RALYL: variants seen among roughly 807,000 people sequenced by gnomAD.
The protein encoded by RALYL is RNA-binding Raly-like protein.
In RALYL, 29 loss-of-function variants were observed where a neutral mutation model predicts 35.1. The observed-to-expected ratio is 0.83, with a 90% CI of 0.61 to 1.13. The LOEUF is 1.13. RALYL is among the 50% of genes most tolerant of loss of function. The pLI, the probability that RALYL is intolerant of heterozygous loss-of-function variation, is 0.00. For synonymous variants in RALYL, 120 were observed against 127.6 expected, an observed-to-expected ratio of 0.94 and a Z score of 0.40; for missense variants, 359 against 360.4, an observed-to-expected ratio of 1.00 and a Z score of 0.03.
At chr8:84,356,392 G>T (rs901324052) in intron 1 of RALYL, among the ~76,000 whole-genome samples, 1 of 150,304 alleles carries the variant, frequency 6.7e-6, no homozygotes, top group African/African-American at 2.5e-5. Context: ...GATCAAGAGG[G>T]TAGTTCCAAG....
At chr8:84,283,316 CAT>C (rs1260352787) in intron 1 of RALYL, among the ~76,000 whole-genome samples, 4 of 152,130 alleles carry the variant, frequency 2.6e-5, no homozygotes, top group Non-Finnish European at 4.4e-5. Flanking sequence ...GGGCAAAAAT[CAT>C]ATGTTTGCAC....
chr8:84,648,177 G>A (rs999222135), intron 2 of RALYL, among the ~76,000 whole-genome samples: 56 of 152,002 alleles, frequency 3.7e-4, no homozygotes, highest in Non-Finnish European at 7.4e-5. Flanking sequence ...TTTGGTCTCT[G>A]ATTAAACATT....
chr8:84,662,379 A>G (rs1831108376), intron 2 of RALYL, among the ~76,000 whole-genome samples: 1 of 152,216 alleles, frequency 6.6e-6, no homozygotes, highest in Non-Finnish European at 1.5e-5. Context: ...CAACATATAA[A>G]GAAAAATATT....
rs1830881071 is a variant in RALYL, at chr8:84,661,393, A to G, written c.257-113186A>G. On this transcript the variant is annotated intron_variant, in intron 2 of 8. Transcript: ENST00000521268. ...TCCAATTTTGCTGTATAAATTTTCA[A>G]TAACAAATCTTTATTGTTGATTATA... Among the ~76,000 whole-genome samples, 3 of 152,224 alleles carry G rather than the reference A, an allele frequency of 2.0e-5. No homozygotes were observed. In the South Asian group the frequency reaches 6.2e-4, roughly 32 times the overall value.
At chr8:84,416,221 T>A (rs1417732164) in intron 1 of RALYL, among the ~76,000 whole-genome samples, 4 of 152,216 alleles carry the variant, frequency 2.6e-5, no homozygotes, top group Non-Finnish European at 4.4e-5. Flanking sequence ...AAGCTGGGAA[T>A]ACAAAAGTAG....
chr8:84,436,542 A>AGTT (rs1563928512), intron 1 of RALYL, among the ~76,000 whole-genome samples: 1 of 82,760 alleles, frequency 1.2e-5, no homozygotes, highest in Admixed American at 1.3e-4. Flanking sequence ...CAATCATGGG[A>AGTT]GTTTTTTTTT....
chr8:84,400,320 G>T (rs1464750245), intron 1 of RALYL, among the ~76,000 whole-genome samples: 1 of 152,128 alleles, frequency 6.6e-6, no homozygotes, highest in African/African-American at 2.4e-5. Context: ...GTCACTTGAG[G>T]TCAGGTGTGG....
intron 4 of RALYL, among the ~76,000 whole-genome samples, chr8:84,806,635 G>A (rs1824681556): frequency 6.6e-6 from 1 of 151,678 alleles, no homozygotes; most frequent in East Asian, 1.9e-4. Context: ...GCACACATAA[G>A]ATACTGCTTA....
At chr8:84,210,037 AC>A (rs1233514465) in intron 1 of RALYL, among the ~76,000 whole-genome samples, 1 of 152,116 alleles carries the variant, frequency 6.6e-6, no homozygotes, top group African/African-American at 2.4e-5. Flanking sequence ...ATTAAAGAGG[AC>A]TAGTGACAGC....
At chr8:84,292,233 A>G (rs117553040) in intron 1 of RALYL, among the ~76,000 whole-genome samples, 3,155 of 152,272 alleles carry the variant, frequency 0.021, 53 homozygotes, top group Non-Finnish European at 0.031. Flanking sequence ...TATGTGCAAT[A>G]GATATCCATT....
At chr8:84,573,708 A>T (rs1368392019) in intron 2 of RALYL, among the ~76,000 whole-genome samples, 1 of 151,798 alleles carries the variant, frequency 6.6e-6, no homozygotes, top group Non-Finnish European at 1.5e-5. Context: ...GTCAGTTCTC[A>T]CCATTTATCT....
At chr8:84,300,169 G>C (rs112394297) in intron 1 of RALYL, among the ~76,000 whole-genome samples, 3,415 of 151,936 alleles carry the variant, frequency 0.022, 126 homozygotes, top group African/African-American at 0.077. Context: ...AGAATGTCTT[G>C]ATTTCTGCCT....
intron 5 of RALYL, among the ~76,000 whole-genome samples, chr8:84,851,804 T>C (rs1727972941): frequency 6.6e-6 from 1 of 152,210 alleles, no homozygotes; most frequent in South Asian, 2.1e-4. Context: ...CGAACATCCC[T>C]CACAGATTAA....
chr8:84,484,395 A>G (rs1045843444), intron 1 of RALYL, among the ~76,000 whole-genome samples: 2 of 152,054 alleles, frequency 1.3e-5, no homozygotes, highest in Admixed American at 6.6e-5. Flanking sequence ...TTTAAATGCT[A>G]TAGGATAACC....
At position 84,785,313 on chromosome 8, in the gene RALYL, A is replaced by G. The variant is rs1006926800; in HGVS notation, c.332+10659A>G. On this transcript the variant is annotated intron_variant, in intron 3 of 8. Coordinates refer to ENST00000521268, the MANE Select transcript of RALYL (RefSeq NM_173848.7). ...CTGGACTGGAAGTCAGGAAACCTGC[A>G]ACTAAGTTGTGTATCTGCTACTACC... Among the ~76,000 whole-genome samples, 4 of 152,300 alleles carry G rather than the reference A, an allele frequency of 2.6e-5. No individual in the cohort carries two copies. The South Asian group carries it at 8.3e-4, about 32-fold the overall frequency.
At chr8:84,462,802 A>G (rs538847168) in intron 1 of RALYL, among the ~76,000 whole-genome samples, 2 of 151,548 alleles carry the variant, frequency 1.3e-5, no homozygotes, top group Non-Finnish European at 3.0e-5. Context: ...AATCTTCCAT[A>G]TTTTTCTAGC....
chr8:84,555,035 C>G (rs1159508524), intron 2 of RALYL, among the ~76,000 whole-genome samples: 1 of 152,084 alleles, frequency 6.6e-6, no homozygotes, highest in Non-Finnish European at 1.5e-5. Flanking sequence ...AATCCCAGCA[C>G]TTTGGGAGGC....
At chr8:84,375,804 A>C (rs935043588) in intron 1 of RALYL, among the ~76,000 whole-genome samples, 10 of 151,858 alleles carry the variant, frequency 6.6e-5, no homozygotes, top group African/African-American at 2.2e-4. Flanking sequence ...GTAAGAGTGA[A>C]ATGAGAAGTC....
intron 1 of RALYL, among the ~76,000 whole-genome samples, chr8:84,230,407 TAAAC>T (rs940388483): frequency 8.5e-5 from 13 of 152,080 alleles, no homozygotes; most frequent in East Asian, 7.7e-4. Flanking sequence ...ATGACAAAAA[TAAAC>T]AAAATAACAT....
Sources: allele counts gnomAD v4.1 joint callset (sites outside exome capture counted in the v4.1 genomes callset), GRCh38; gene constraint gnomAD v4.1.1; transcripts MANE v1.5; gene names NCBI Gene and HGNC (gene_info 2026-07-23, HGNC 2026-07-21).